COL4A3: variants seen among roughly 807,000 people sequenced by gnomAD.
The protein encoded by COL4A3 is collagen type IV alpha 3 chain, also known as collagen alpha-3(IV) chain.
Under a neutral mutation model 217.4 loss-of-function variants are expected in COL4A3, and 135 were observed. That is an observed-to-expected ratio of 0.62 (90% CI 0.54 to 0.72). The LOEUF (loss-of-function observed/expected upper bound fraction) is 0.72, where lower values mean the gene tolerates loss of function less well. Ranked by LOEUF, COL4A3 falls within the 30% of genes least tolerant of loss-of-function variation. The pLI is 0.00. For synonymous variants in COL4A3, 690 were observed against 736.3 expected (o/e 0.94, Z 1.02); for missense variants, 1,868 against 2,119.9 (o/e 0.88, Z 2.33).
intron 1 of COL4A3, among the ~76,000 whole-genome samples, chr2:227,215,489 C>T (rs570851576): frequency 1.4e-4 from 21 of 152,204 alleles, no homozygotes; most frequent in Admixed American, 5.9e-4. Context: ...CACAGAGTCT[C>T]GCTCTGTCGC....
In COL4A3 at chr2:227,310,679, C is replaced by T; in HGVS notation, c.4756-97C>T. On this transcript the variant is annotated intron_variant, in intron 50 of 51. Coordinates refer to ENST00000396578, the MANE Select transcript of COL4A3 (RefSeq NM_000091.5). ...CATGATCATTCCTCCCCTTTCTTTA[C>T]TCACAGTTGCCCATTCATTCAAAAA... 12 of 961,598 alleles carry T rather than the reference C, an allele frequency of 1.2e-5. No individual in the cohort carries two copies. In the South Asian group the frequency reaches 1.6e-4, roughly 13 times the overall value. The allele number at this position is 961,598 out of a possible 1,614,324, so 59.6% of individuals were successfully genotyped here.
At chr2:227,197,295 C>A (rs777334906) in intron 1 of COL4A3, among the ~76,000 whole-genome samples, 20 of 152,172 alleles carry the variant, frequency 1.3e-4, no homozygotes, top group Non-Finnish European at 2.6e-4. Flanking sequence ...CAGCTCGCTG[C>A]AACCTCCACC....
At chr2:227,193,681 C>G (rs968499661) in intron 1 of COL4A3, among the ~76,000 whole-genome samples, 2 of 147,486 alleles carry the variant, frequency 1.4e-5, no homozygotes, top group African/African-American at 5.0e-5. Flanking sequence ...CAGTGCACTC[C>G]AGCCTGGTGA....
rs1559922303 is a variant in COL4A3, at chr2:227,307,820, A to G, written c.4363A>G (p.Thr1455Ala). 2 of 1,614,180 alleles carry G rather than the reference A, an allele frequency of 1.2e-6. No individual in the cohort carries two copies. The highest frequency in any genetic ancestry group is 1.7e-6 in the Non-Finnish European group (2 of 1,180,030). The change falls in exon 48 of 52, where the codon ACA becomes GCA. Residue 1455 changes from threonine (T) to alanine (A), a missense_variant. Thr to Ala is a moderately conservative substitution (Grantham distance 58). This residue lies in a region of COL4A3 where 1,503 missense variants were observed against 1,786.1 expected (regional missense o/e 0.84). Coordinates refer to ENST00000396578, the MANE Select transcript of COL4A3 (RefSeq NM_000091.5). ...TGTCTTCACCCGACACAGTCAAACC[A>G]CAGCAATTCCTTCATGTCCAGAGGG... ...GFVFTRHSQT[T>A]AIPSCPEGTV...
At chr2:227,213,022 TTTTGGTCAAAC>T in intron 1 of COL4A3, among the ~76,000 whole-genome samples, 1 of 152,316 alleles carries the variant, frequency 6.6e-6, no homozygotes, top group South Asian at 2.1e-4. Flanking sequence ...AACAAACCTG[TTTTGGTCAAAC>T]TTTGGTTTGA....
intron 20 of COL4A3, 60 bp downstream of exon 20, chr2:227,261,177 C>G: frequency 7.3e-7 from 1 of 1,361,394 alleles, no homozygotes; most frequent in South Asian, 1.2e-5. Context: ...AATAAGCTGT[C>G]CTCTATTAAG....
chr2:227,252,212 CTT>C (rs72162625), intron 11 of COL4A3, among the ~76,000 whole-genome samples: 2,769 of 82,890 alleles, frequency 0.033, 114 homozygotes, highest in East Asian at 0.28. Flanking sequence ...TTCTTTCTTT[CTT>C]TTTTTTTTTT....
Position 227,248,441 on chromosome 2 carries a change from AG to A in COL4A3, c.470del. On this transcript the variant is annotated splice_acceptor_variant, in intron 8 of 51. Transcript: ENST00000396578. LOFTEE classifies it high-confidence loss of function. ...TGTTTGATGAACTTCTTCATTTTCA[AG>A]GGTGCTCCTGCTAAAGAAGAAGATA... The A allele has an allele frequency of 2.5e-6, 4 of 1,602,376 alleles. No homozygotes were observed. Among genetic ancestry groups the A allele is most frequent in the Middle Eastern group, 1.7e-4 (1 of 6,038 alleles).
At chr2:227,288,369 T>C (rs771655804) in intron 34 of COL4A3, among the ~76,000 whole-genome samples, 1 of 152,204 alleles carries the variant, frequency 6.6e-6, no homozygotes, top group Non-Finnish European at 1.5e-5. Flanking sequence ...AGTGCTGGGA[T>C]TACAGGCGTG....
At chr2:227,175,506 C>G (rs1231090050) in intron 1 of COL4A3, among the ~76,000 whole-genome samples, 1 of 152,016 alleles carries the variant, frequency 6.6e-6, no homozygotes, top group Non-Finnish European at 1.5e-5. Flanking sequence ...ACAAACAGAG[C>G]TTTTGAAATA....
At chr2:227,276,137 C>A (rs1042326569) in intron 26 of COL4A3, among the ~76,000 whole-genome samples, 2 of 152,176 alleles carry the variant, frequency 1.3e-5, no homozygotes, top group African/African-American at 4.8e-5. Context: ...TGAGTTATCT[C>A]AGAGTAAACA....
intron 1 of COL4A3, among the ~76,000 whole-genome samples, chr2:227,212,094 T>C (rs1215077834): frequency 6.6e-6 from 1 of 152,214 alleles, no homozygotes; most frequent in African/African-American, 2.4e-5. Flanking sequence ...CATGTGTTTA[T>C]ATGTTTATGG....
At chr2:227,295,222 G>C in intron 40 of COL4A3, 47 bp from the exon 41 acceptor site, 1 of 1,588,860 alleles carries the variant, frequency 6.3e-7, no homozygotes, top group South Asian at 1.1e-5. Context: ...GACATATAAT[G>C]TAATGAAATT....
intron 21 of COL4A3, 92 bp from the exon 22 acceptor site, chr2:227,266,325 A>C (rs2070886309): frequency 4.2e-6 from 4 of 954,488 alleles, no homozygotes; most frequent in Non-Finnish European, 6.6e-6. Context: ...CAAAGATGAG[A>C]GAGATGCATT....
chr2:227,206,222 C>T (rs978909445), intron 1 of COL4A3, among the ~76,000 whole-genome samples: 2 of 151,986 alleles, frequency 1.3e-5, no homozygotes, highest in Middle Eastern at 3.2e-3. Flanking sequence ...TACAGGCACC[C>T]GCCACCACAC....
intron 1 of COL4A3, among the ~76,000 whole-genome samples, chr2:227,176,168 T>A (rs918498401): frequency 6.6e-6 from 1 of 152,188 alleles, no homozygotes; most frequent in Non-Finnish European, 1.5e-5. Flanking sequence ...TCTGTCCCGT[T>A]TAATTGATTT....
chr2:227,192,949 A>C (rs749424844), intron 1 of COL4A3, among the ~76,000 whole-genome samples: 7 of 152,196 alleles, frequency 4.6e-5, no homozygotes, highest in Non-Finnish European at 1.0e-4. Flanking sequence ...TATAAGCCCA[A>C]ATATTTTAAT....
intron 1 of COL4A3, among the ~76,000 whole-genome samples, chr2:227,181,582 A>G (rs2065868626): frequency 6.6e-6 from 1 of 152,232 alleles, no homozygotes; most frequent in Non-Finnish European, 1.5e-5. Flanking sequence ...CTCATATTAG[A>G]ACCTGGGGAT....
intron 43 of COL4A3, among the ~76,000 whole-genome samples, chr2:227,301,171 G>A (rs1367792866): frequency 6.6e-6 from 1 of 152,218 alleles, no homozygotes; most frequent in East Asian, 1.9e-4. Flanking sequence ...TTAATGAACT[G>A]CCTTTTGATG....
Sources: gnomAD v4.1 joint callset for allele counts (sites outside exome capture counted in the v4.1 genomes callset) on GRCh38, gnomAD v4.1.1 for gene constraint, gnomAD v4.1.1 regional missense constraint, MANE v1.5 for transcripts, NCBI Gene and HGNC (gene_info 2026-07-23, HGNC 2026-07-21) for gene names.